DCDC1: variants seen among roughly 807,000 people sequenced by gnomAD.
DCDC1 encodes doublecortin domain containing 1.
DCDC1 carries 200 observed loss-of-function variants against 178.3 expected under a neutral mutation model. The ratio of observed to expected loss-of-function variants is 1.12; its 90% confidence interval spans 1.00 to 1.26. DCDC1 has a LOEUF of 1.26. Among genes scored for constraint, DCDC1 ranks in the 50% most tolerant of loss-of-function variants. The pLI is 0.00. For synonymous variants in DCDC1, 690 were observed against 604.8 expected, an observed-to-expected ratio of 1.14 and a Z score of -2.07; for missense variants, 1,983 against 1,749.2, an observed-to-expected ratio of 1.13 and a Z score of -2.38.
At chr11:30,911,286 A>C in intron 28 of DCDC1, 41 bp downstream of exon 28, 2 of 1,513,590 alleles carry the variant, frequency 1.3e-6, no homozygotes, top group Non-Finnish European at 1.8e-6. Context: ...CTTAAATTTA[A>C]TTAAAAGGCC....
At chr11:31,329,217 A>C (rs938566506) in intron 2 of DCDC1, among the ~76,000 whole-genome samples, 6 of 152,042 alleles carry the variant, frequency 3.9e-5, no homozygotes, top group Non-Finnish European at 8.8e-5. Context: ...ATTGAGATGA[A>C]GCCAAAAGAG....
At chr11:30,873,296 T>C (rs1941768532) in intron 38 of DCDC1, among the ~76,000 whole-genome samples, 1 of 150,212 alleles carries the variant, frequency 6.7e-6, no homozygotes, top group East Asian at 2.0e-4. Context: ...TAAACTTTTA[T>C]ATTTGTATAT....
intron 1 of DCDC1, among the ~76,000 whole-genome samples, chr11:31,354,956 G>A (rs940253395): frequency 6.6e-6 from 1 of 150,750 alleles, no homozygotes; most frequent in Non-Finnish European, 1.5e-5. Flanking sequence ...TCCCTGTAGA[G>A]CTCTTAAATG....
intron 20 of DCDC1, among the ~76,000 whole-genome samples, chr11:30,982,900 T>C (rs934257360): frequency 1.1e-4 from 17 of 152,168 alleles, no homozygotes; most frequent in Admixed American, 9.8e-4. Flanking sequence ...GGCAAAATTT[T>C]ATCAATTTAC....
chr11:30,967,698 G>A (rs1311385930), intron 20 of DCDC1, among the ~76,000 whole-genome samples: 3 of 152,172 alleles, frequency 2.0e-5, no homozygotes, highest in African/African-American at 7.2e-5. Flanking sequence ...AACTTATAAG[G>A]AAGTGAGTGA....
chr11:31,213,655 G>A lies in DCDC1; in HGVS notation c.1221+27795C>T, dbSNP rs573336965. Among the ~76,000 whole-genome samples, 283 of 151,764 alleles carry A rather than the reference G, an allele frequency of 1.9e-3. 2 individuals carry two copies. The highest frequency in any genetic ancestry group is 3.7e-3 in the Admixed American group (57 of 15,216). ...GAATCACTTAAACCCGGGAGATGGA[G>A]GTTGCAGTTAGCCGAGATCACGCCA... is the stretch of plus-strand genomic sequence containing the variant. On this transcript the variant is annotated intron_variant, in intron 9 of 38. Coordinates refer to ENST00000684477, the MANE Select transcript of DCDC1 (RefSeq NM_001387274.1).
intron 7 of DCDC1, among the ~76,000 whole-genome samples, chr11:31,277,764 G>T (rs1388141132): frequency 6.6e-6 from 1 of 151,874 alleles, no homozygotes; most frequent in East Asian, 1.9e-4. Flanking sequence ...TGTATTGTTT[G>T]TTTTCTTACT....
chr11:31,174,088 C>T (rs1967642892), intron 9 of DCDC1, among the ~76,000 whole-genome samples: 1 of 152,134 alleles, frequency 6.6e-6, no homozygotes, highest in Non-Finnish European at 1.5e-5. Flanking sequence ...GCTGCAGCTG[C>T]AGACCCAGGC....
intron 22 of DCDC1, among the ~76,000 whole-genome samples, chr11:30,927,839 A>C (rs1282463457): frequency 6.6e-6 from 1 of 152,158 alleles, no homozygotes; most frequent in Non-Finnish European, 1.5e-5. Context: ...CAATAAAACT[A>C]TTCCCTCATA....
chr11:31,307,313 A>G (rs889784073), intron 4 of DCDC1: 5 of 230,374 alleles, frequency 2.2e-5, no homozygotes, highest in African/African-American at 9.1e-5. Flanking sequence ...GTTTCAAACT[A>G]TTGGTTAAAT....
intron 36 of DCDC1, among the ~76,000 whole-genome samples, chr11:30,890,367 G>T (rs985068759): frequency 1.3e-5 from 2 of 152,070 alleles, no homozygotes; most frequent in African/African-American, 4.8e-5. Context: ...TATTTACATG[G>T]GTGTCCCTAA....
chr11:31,142,880 T>G (rs1487019564), intron 9 of DCDC1, among the ~76,000 whole-genome samples: 1 of 152,110 alleles, frequency 6.6e-6, no homozygotes, highest in African/African-American at 2.4e-5. Flanking sequence ...TTACAAAAAC[T>G]GAGCTCTTGA....
At chr11:31,366,155 C>A (rs1232968581) in intron 1 of DCDC1, among the ~76,000 whole-genome samples, 3 of 152,022 alleles carry the variant, frequency 2.0e-5, no homozygotes, top group African/African-American at 4.8e-5. Context: ...GAATTAAGTT[C>A]ACATAGCCGT....
chr11:31,245,380 C>T (rs1943482033), intron 8 of DCDC1, among the ~76,000 whole-genome samples: 1 of 151,558 alleles, frequency 6.6e-6, no homozygotes, highest in Non-Finnish European at 1.5e-5. Context: ...TGTAGACAGT[C>T]TTCTGGGTAA....
intron 20 of DCDC1, among the ~76,000 whole-genome samples, chr11:30,982,160 T>C (rs974465035): frequency 6.6e-6 from 1 of 152,212 alleles, no homozygotes; most frequent in African/African-American, 2.4e-5. Context: ...TACAAATAGT[T>C]TCTGACACTT....
intron 20 of DCDC1, among the ~76,000 whole-genome samples, chr11:31,022,643 T>TTGTGTG (rs4067986): frequency 0.079 from 9,518 of 120,868 alleles, 453 homozygotes; most frequent in African/African-American, 0.12. Flanking sequence ...GTCTTTTAGT[T>TTGTGTG]TGTGTGTGTG....
At chr11:30,925,143 A>C (rs1282959517) in intron 23 of DCDC1, among the ~76,000 whole-genome samples, 166 bp downstream of exon 23, 3 of 152,088 alleles carry the variant, frequency 2.0e-5, no homozygotes, top group Admixed American at 2.0e-4. Context: ...AGCTCTGAAT[A>C]ATGTTAGCTG....
chr11:31,214,116 A>T (rs570189639), intron 9 of DCDC1, among the ~76,000 whole-genome samples: 4 of 132,838 alleles, frequency 3.0e-5, no homozygotes, highest in Non-Finnish European at 6.8e-5. Flanking sequence ...CATTGTAAAA[A>T]GTTTTTTTTA....
In DCDC1 at chr11:31,188,482, G is replaced by A. The variant is rs114485974; in HGVS notation, c.1222-50698C>T. On this transcript the variant is annotated intron_variant, in intron 9 of 38. Coordinates refer to ENST00000684477, the MANE Select transcript of DCDC1 (RefSeq NM_001387274.1). Reference sequence around the variant, plus strand: ...GAACAGAAAGGCAGACAACAAGGGCGTACGTAAACAACTTACCATAGAATA... The same window carrying A: ...GAACAGAAAGGCAGACAACAAGGGCATACGTAAACAACTTACCATAGAATA... Among the ~76,000 whole-genome samples, 692 of 152,270 alleles carry A rather than the reference G, an allele frequency of 4.5e-3. 4 individuals are homozygous for A. The highest frequency in any genetic ancestry group is 0.016 in the African/African-American group (650 of 41,546).
Sources: gnomAD v4.1 joint callset for allele counts (sites outside exome capture counted in the v4.1 genomes callset) on GRCh38, gnomAD v4.1.1 for gene constraint, MANE v1.5 for transcripts, NCBI Gene and HGNC (gene_info 2026-07-23, HGNC 2026-07-21) for gene names.